Variants in MED27 observed in about 807,000 individuals in gnomAD.
The protein encoded by MED27 is mediator complex subunit 27.
A neutral mutation model predicts 38.2 loss-of-function variants in MED27; 30 were observed. That is an observed-to-expected ratio of 0.79 (90% CI 0.59 to 1.07). The LOEUF (loss-of-function observed/expected upper bound fraction) is 1.07. MED27 is among the 50% of genes least tolerant of loss of function. The pLI is 0.00. For missense variants in MED27, 289 were observed against 397.5 expected (o/e 0.73, Z 2.32); for synonymous variants, 122 against 153.5 (o/e 0.79, Z 1.52).
At chr9:131,934,398 T>A (rs998256618) in intron 4 of MED27, among the ~76,000 whole-genome samples, 3 of 152,032 alleles carry the variant, frequency 2.0e-5, no homozygotes, top group Non-Finnish European at 4.4e-5. Flanking sequence ...GACAAAGGAT[T>A]AATAGCCAGG....
intron 2 of MED27, among the ~76,000 whole-genome samples, chr9:132,065,255 C>T (rs776097191): frequency 2.0e-5 from 3 of 152,278 alleles, no homozygotes; most frequent in South Asian, 2.1e-4. Context: ...CCAGAATGCA[C>T]CGTGGCGGGA....
intron 2 of MED27, among the ~76,000 whole-genome samples, chr9:132,025,540 TAATC>T (rs1832800189): frequency 6.6e-6 from 1 of 152,228 alleles, no homozygotes; most frequent in African/African-American, 2.4e-5. Context: ...CTACTACTCT[TAATC>T]TAATTAAGAA....
At chr9:131,900,594 CA>C (rs35595099) in intron 4 of MED27, among the ~76,000 whole-genome samples, 5,124 of 151,800 alleles carry the variant, frequency 0.034, 130 homozygotes, top group Middle Eastern at 0.11. Flanking sequence ...CATCTAGGAT[CA>C]GGGGAGGTGA....
intron 3 of MED27, among the ~76,000 whole-genome samples, chr9:131,948,175 C>A (rs769826107): frequency 6.6e-6 from 1 of 152,038 alleles, no homozygotes; most frequent in Non-Finnish European, 1.5e-5. Flanking sequence ...TCAAGAAAAT[C>A]AAAAATACTT....
intron 6 of MED27, among the ~76,000 whole-genome samples, chr9:131,863,492 C>CAA (rs1318358360): frequency 1.3e-5 from 2 of 152,184 alleles, no homozygotes; most frequent in Non-Finnish European, 2.9e-5. Flanking sequence ...CAAGGCGCGG[C>CAA]ACACACAGCA....
rs116107136 is a variant in MED27 at position 131,986,388 on chromosome 9, G to A, written c.479+27949C>T. On this transcript the variant is annotated intron_variant, in intron 3 of 7. Transcript: ENST00000292035. Reference sequence around the variant, plus strand: ...TATAGAGGCAGGGTCTTGCTATGTCGCCCAGGCTGGTTTTGAATTCCTGGC... The same window carrying A: ...TATAGAGGCAGGGTCTTGCTATGTCACCCAGGCTGGTTTTGAATTCCTGGC... 2.2e-3 allele frequency among the ~76,000 whole-genome samples: 328 copies of A among 152,112 alleles called. 1 individual carries two copies. Among genetic ancestry groups the A allele is most frequent in the African/African-American group, 7.5e-3 (311 of 41,460 alleles).
At chr9:131,911,007 GATGGGATGCAATTAAACC>G (rs1314657053) in intron 4 of MED27, among the ~76,000 whole-genome samples, 1 of 151,992 alleles carries the variant, frequency 6.6e-6, no homozygotes, top group African/African-American at 2.4e-5. Flanking sequence ...TAAATAGCAA[GATGGGATGCAATTAAACC>G]ATGAGAGGCT....
intron 4 of MED27, among the ~76,000 whole-genome samples, chr9:131,920,734 T>A (rs1214770897): frequency 2.0e-5 from 3 of 150,388 alleles, no homozygotes; most frequent in African/African-American, 7.4e-5. Flanking sequence ...AATGGGGGCC[T>A]GGGGAAACCT....
In MED27 at chr9:131,872,553, G is replaced by A. The variant is rs1425117605; in HGVS notation, c.724-9413C>T. Among the ~76,000 whole-genome samples the A allele has an allele frequency of 6.6e-6, 1 of 151,290 alleles. No individual in the cohort carries two copies. Among genetic ancestry groups the A allele is most frequent in the Non-Finnish European group, 1.5e-5 (1 of 68,030 alleles). ...TAGATCTGGGTGAAAGTGACAAAAA[G>A]GCAGACAGAGGGGAACCGTAAGGAG... On this transcript the variant is annotated intron_variant, in intron 6 of 7. Transcript: ENST00000292035. The surrounding 1 kb of genome is among the most constrained non-coding windows in gnomAD (Gnocchi z 5.6).
intron 2 of MED27, among the ~76,000 whole-genome samples, chr9:132,062,686 C>T (rs979834733): frequency 1.1e-4 from 16 of 151,698 alleles, no homozygotes; most frequent in African/African-American, 3.6e-4. Context: ...GGGGTGATCA[C>T]AGCTCACTAT....
intron 3 of MED27, among the ~76,000 whole-genome samples, chr9:132,000,070 G>C (rs1316195540): frequency 1.5e-5 from 1 of 68,706 alleles, no homozygotes; most frequent in Non-Finnish European, 2.5e-5. Flanking sequence ...TTTCTCAAAA[G>C]TAAAATCACT....
At chr9:131,994,848 G>A (rs1244760395) in intron 3 of MED27, among the ~76,000 whole-genome samples, 1 of 152,116 alleles carries the variant, frequency 6.6e-6, no homozygotes, top group Non-Finnish European at 1.5e-5. Flanking sequence ...GGTTGCCTGG[G>A]GGAATCCTAC....
chr9:131,938,866 A>G (rs1262617566), intron 4 of MED27, among the ~76,000 whole-genome samples: 3 of 151,820 alleles, frequency 2.0e-5, no homozygotes, highest in Non-Finnish European at 4.4e-5. Context: ...GGCACCCACC[A>G]CCACACCCGG....
chr9:131,900,350 G>A (rs1750932968), intron 4 of MED27, among the ~76,000 whole-genome samples: 1 of 152,228 alleles, frequency 6.6e-6, no homozygotes, highest in Non-Finnish European at 1.5e-5. Flanking sequence ...CTAATCCACT[G>A]TGGCAAGGCA....
rs539612060 is a variant in MED27, at chr9:132,008,807, G to A, written c.479+5530C>T. ...AACCTACCCATCACTGCACTAATAC[G>A]CACAGGGTTGCAGAGAAAGGTGTGT... On this transcript the variant is annotated intron_variant, in intron 3 of 7. Coordinates refer to ENST00000292035, the MANE Select transcript of MED27 (RefSeq NM_004269.4). Among the ~76,000 whole-genome samples the A allele has an allele frequency of 9.2e-5, 14 of 152,300 alleles. No homozygotes were observed. In the South Asian group the frequency reaches 2.5e-3, roughly 27 times the overall value.
rs540046366 is a variant in MED27, at chr9:131,932,014, A to G, written c.573+7367T>C. On this transcript the variant is annotated intron_variant, in intron 4 of 7. Coordinates refer to ENST00000292035, the MANE Select transcript of MED27 (RefSeq NM_004269.4). ...AAATGGACATAATAGATATTTACAG[A>G]ACACTTCATCCAATGACTGCAGAAC... Among the ~76,000 whole-genome samples the G allele has an allele frequency of 2.0e-5, 3 of 152,252 alleles. No individual in the cohort carries two copies. The East Asian group carries it at 5.8e-4, about 29-fold the overall frequency.
intron 3 of MED27, among the ~76,000 whole-genome samples, chr9:131,940,855 G>A (rs1488837014): frequency 1.3e-5 from 2 of 152,182 alleles, no homozygotes; most frequent in Non-Finnish European, 2.9e-5. Flanking sequence ...CACCAAAAGG[G>A]AATCCTCTAT....
At chr9:131,893,605 A>G (rs1263533734) in intron 5 of MED27, among the ~76,000 whole-genome samples, 1 of 152,222 alleles carries the variant, frequency 6.6e-6, no homozygotes, top group East Asian at 1.9e-4. Context: ...CCATTTCCTC[A>G]GAAGACACAT....
chr9:132,003,470 A>G lies in MED27; in HGVS notation c.479+10867T>C, dbSNP rs1832287640. ...TGAGAGTGAGGCCAGGATCAGAACC[A>G]GACACTAAGGGCCACAAGGGGCACG... On this transcript the variant is annotated intron_variant, in intron 3 of 7. Coordinates refer to ENST00000292035, the MANE Select transcript of MED27 (RefSeq NM_004269.4). The surrounding 1 kb of genome is among the most constrained non-coding windows in gnomAD (Gnocchi z 4.2). Among the ~76,000 whole-genome samples, 2 of 152,238 alleles carry G rather than the reference A, an allele frequency of 1.3e-5. No homozygotes were observed. The highest frequency in any genetic ancestry group is 2.9e-5 in the Non-Finnish European group (2 of 68,042).
Sources: allele counts gnomAD v4.1 joint callset (sites outside exome capture counted in the v4.1 genomes callset), GRCh38; gene constraint gnomAD v4.1.1; non-coding constraint Gnocchi (gnomAD v3.1); transcripts MANE v1.5; gene names NCBI Gene and HGNC (gene_info 2026-07-23, HGNC 2026-07-21).